The following PDGFRB variants were observed in gnomAD, a reference collection of about 807,000 sequenced individuals.
The protein encoded by PDGFRB is platelet derived growth factor receptor beta.
Under a neutral mutation model 120.2 loss-of-function variants are expected in PDGFRB, and 42 were observed. That is an observed-to-expected ratio of 0.35 (90% CI 0.27 to 0.45). The LOEUF is 0.45. PDGFRB is among the 20% of genes least tolerant of loss of function. The pLI is 1.00. For synonymous variants in PDGFRB, 586 were observed against 606.8 expected (o/e 0.97, Z 0.50); for missense variants, 1,149 against 1,476.3 (o/e 0.78, Z 3.63).
At chr5:150,147,150 A>G (rs1760945299) in intron 1 of PDGFRB, among the ~76,000 whole-genome samples, 1 of 152,168 alleles carries the variant, frequency 6.6e-6, no homozygotes, top group African/African-American at 2.4e-5. Flanking sequence ...CACAGGGTCC[A>G]GGCCTGCCCC....
rs574852515 is a variant in PDGFRB, at chr5:150,155,452, C to T, written c.-62G>A. 7.0e-4 allele frequency: 278 copies of T among 397,434 alleles called. No individual in the cohort carries two copies. Among genetic ancestry groups the T allele is most frequent in the African/African-American group, 5.3e-3 (260 of 48,694 alleles). The allele number at this position is 397,434 out of a possible 1,614,324, so 24.6% of individuals were successfully genotyped here. A position where few individuals can be genotyped will look rare whatever the true frequency, so the allele number is the denominator to read the frequency against. On this transcript the variant is annotated 5_prime_UTR_variant, in exon 1 of 23. Transcript: ENST00000261799. Reference sequence around the variant, plus strand: ...AGTTCCAGGCTCTGGACAGTCACCCCCTCCAGGAAGTCCTCCTTACTGCCC... The same window carrying T: ...AGTTCCAGGCTCTGGACAGTCACCCTCTCCAGGAAGTCCTCCTTACTGCCC...
At chr5:150,134,409 A>C (rs1454993047) in intron 4 of PDGFRB, among the ~76,000 whole-genome samples, 1 of 152,214 alleles carries the variant, frequency 6.6e-6, no homozygotes, top group Admixed American at 6.5e-5. Context: ...GAGGGGAAGC[A>C]GGCTCAGAGA....
At chr5:150,127,852 A>AAAC (rs1236262460) in intron 10 of PDGFRB, among the ~76,000 whole-genome samples, 1 of 150,498 alleles carries the variant, frequency 6.6e-6, no homozygotes, top group African/African-American at 2.4e-5. Context: ...AAAAAAAAAA[A>AAAC]AAAAAAACTT....
Position 150,121,914 on chromosome 5 carries a change from G to A in PDGFRB, c.2310C>T (p.Asn770=), listed in dbSNP as rs769886643. 1 of 1,613,604 alleles carries A rather than the reference G, an allele frequency of 6.2e-7. No homozygotes were observed. Among genetic ancestry groups the A allele is most frequent in the South Asian group, 1.1e-5 (1 of 91,068 alleles). Residue 770 remains asparagine, a synonymous_variant, in exon 16 of 23, where the codon AAC becomes AAT. Coordinates refer to ENST00000261799, the MANE Select transcript of PDGFRB (RefSeq NM_002609.4). This position sits in a 1 kb window ranked among gnomAD's most constrained non-coding sequence, Gnocchi z 4.1. The part of the protein sequence containing the change: ...DVKYADIESS[N]YMAPYDNYVP... Reference sequence around the variant, plus strand: ...CGTAGTTATCGTAAGGGGCCATGTAGTTGGAGGACTCGATGTCTGCATATT... The same window carrying A: ...CGTAGTTATCGTAAGGGGCCATGTAATTGGAGGACTCGATGTCTGCATATT...
chr5:150,144,421 G>A (rs955623992), intron 1 of PDGFRB, among the ~76,000 whole-genome samples: 5 of 152,160 alleles, frequency 3.3e-5, no homozygotes, highest in Admixed American at 6.5e-5. Context: ...CCTCACACTC[G>A]TCACTCACTG....
rs1561989789 is a variant in PDGFRB at position 150,121,047 on chromosome 5, C to T, written c.2464-37G>A. 1 of 1,610,502 alleles carries T rather than the reference C, an allele frequency of 6.2e-7. No individual in the cohort carries two copies. The highest frequency in any genetic ancestry group is 8.5e-7 in the Non-Finnish European group (1 of 1,176,932). On this transcript the variant is annotated intron_variant, in intron 17 of 22. Coordinates refer to ENST00000261799, the MANE Select transcript of PDGFRB (RefSeq NM_002609.4). The surrounding 1 kb of genome is among the most constrained non-coding windows in gnomAD (Gnocchi z 4.1). ...GAGAGGGGAGCTGAGGCCTTGGGGA[C>T]AATTGTGGGGAAAGACCCTTCATGT...
In PDGFRB at chr5:150,127,619, A is replaced by G. The variant is rs1197524880; in HGVS notation, c.1580-1005T>C. Among the ~76,000 whole-genome samples the G allele has an allele frequency of 2.6e-5, 4 of 152,222 alleles. No homozygotes were observed. In the East Asian group the frequency reaches 7.7e-4, roughly 29 times the overall value. ...GGGAGGCCAAGGTGGGCGGATCACG[A>G]GGTCAGGAGTTCAAGACCGGCCTGG... On this transcript the variant is annotated intron_variant, in intron 10 of 22. Coordinates refer to ENST00000261799, the MANE Select transcript of PDGFRB (RefSeq NM_002609.4).
chr5:150,126,708 CT>C, intron 10 of PDGFRB, 94 bp from the exon 11 acceptor site: 3 of 749,004 alleles, frequency 4.0e-6, no homozygotes, highest in Non-Finnish European at 7.3e-6. Context: ...CGTACACATC[CT>C]GTCCAGAATA....
At position 150,118,801 on chromosome 5, in the gene PDGFRB, G is replaced by C; in HGVS notation, c.2850C>G (p.Pro950=). ...CWEEKFEIRP[P]FSQLVLLLER... ...CGAGAAGCAGCACCAGCTGGGAGAA[G>C]GGGGGCCGAATCTCAAACTTCTCTT... Residue 950 remains proline, a synonymous_variant, in exon 21 of 23, where the codon CCC becomes CCG. Coordinates refer to ENST00000261799, the MANE Select transcript of PDGFRB (RefSeq NM_002609.4). 1 of 1,612,952 alleles carries C rather than the reference G, an allele frequency of 6.2e-7. No individual in the cohort carries two copies. Among genetic ancestry groups the C allele is most frequent in the South Asian group, 1.1e-5 (1 of 91,004 alleles).
chr5:150,155,500 G>C lies in PDGFRB; in HGVS notation c.-110C>G, dbSNP rs1273496275. On this transcript the variant is annotated 5_prime_UTR_variant, in exon 1 of 23. Transcript: ENST00000261799. ...CCCTCTCCCAGTTATCAGAAAGACT[G>C]CTGGTCCCAGAGTGGGTAACAGCTG... 5 of 398,274 alleles carry C rather than the reference G, an allele frequency of 1.3e-5. No homozygotes were observed. The highest frequency in any genetic ancestry group is 1.8e-5 in the Non-Finnish European group (4 of 226,048). The allele number at this position is 398,274 out of a possible 1,614,324, so 24.7% of individuals were successfully genotyped here.
rs2113914797 is a variant in PDGFRB at position 150,137,027 on chromosome 5, C to T, written c.21G>A (p.Met7Ile). ...ACCCACCTTTGAGGGCCAGAGCTGG[C>T]ATCGCACCCGGAAGCCGCATGGTGT... The part of the protein sequence containing the change: MRLPGA[M>I]PALALKGELL... The change falls in exon 2 of 23, where the codon ATG (methionine) becomes ATA (isoleucine). Residue 7 changes from methionine to isoleucine, a missense_variant. Physicochemically the swap from Met to Ile is conservative, Grantham distance 10 (BLOSUM62 1). Coordinates refer to ENST00000261799, the MANE Select transcript of PDGFRB (RefSeq NM_002609.4). 6.2e-7 allele frequency: 1 copy of T among 1,613,734 alleles called. No individual in the cohort carries two copies. The highest frequency in any genetic ancestry group is 8.5e-7 in the Non-Finnish European group (1 of 1,179,730).
chr5:150,141,332 C>G (rs1426590041), intron 1 of PDGFRB, among the ~76,000 whole-genome samples: 1 of 152,244 alleles, frequency 6.6e-6, no homozygotes, highest in Admixed American at 6.5e-5. Context: ...CATGAACAGA[C>G]AAGCCAGAAA....
intron 9 of PDGFRB, 109 bp downstream of exon 9, chr5:150,130,430 T>A: frequency 9.1e-7 from 1 of 1,100,386 alleles, no homozygotes; most frequent in Non-Finnish European, 1.3e-6. Flanking sequence ...AGGATGCAAC[T>A]CTATGCCCGG....
chr5:150,150,404 C>T (rs1761042304), intron 1 of PDGFRB, among the ~76,000 whole-genome samples: 1 of 152,202 alleles, frequency 6.6e-6, no homozygotes, highest in African/African-American at 2.4e-5. Context: ...ACCCCCTGAC[C>T]CTCCCAAGGG....
In PDGFRB at chr5:150,120,444, T is replaced by C. The variant is rs886581992; in HGVS notation, c.2587-321A>G. On this transcript the variant is annotated intron_variant, in intron 18 of 22. Coordinates refer to ENST00000261799, the MANE Select transcript of PDGFRB (RefSeq NM_002609.4). This position sits in a 1 kb window ranked among gnomAD's most constrained non-coding sequence, Gnocchi z 4.3. ...CCCAAGCTCTTATCCTGGCTGCCTTTGATCTCTGGGCCTAGCGTCCCTCCA... is the reference window on the plus strand; with the variant it reads ...CCCAAGCTCTTATCCTGGCTGCCTTCGATCTCTGGGCCTAGCGTCCCTCCA... Among the ~76,000 whole-genome samples, 8 of 152,218 alleles carry C rather than the reference T, an allele frequency of 5.3e-5. No individual in the cohort carries two copies.
At chr5:150,141,344 C>A (rs1419137168) in intron 1 of PDGFRB, among the ~76,000 whole-genome samples, 2 of 152,234 alleles carry the variant, frequency 1.3e-5, no homozygotes, top group Non-Finnish European at 2.9e-5. Context: ...AGCCAGAAAG[C>A]CCGTGTTACT....
At chr5:150,145,395 TG>T (rs1309300720) in intron 1 of PDGFRB, among the ~76,000 whole-genome samples, 3 of 152,242 alleles carry the variant, frequency 2.0e-5, no homozygotes, top group Non-Finnish European at 4.4e-5. Flanking sequence ...TTGCAGTTGG[TG>T]GCTGTCCCCA....
At position 150,155,825 on chromosome 5, in the gene PDGFRB, G is replaced by A. The variant is rs941708217; in HGVS notation, c.-435C>T. The A allele has an allele frequency of 5.8e-5, 23 of 397,014 alleles. No homozygotes were observed. The highest frequency in any genetic ancestry group is 1.4e-4 in the South Asian group (1 of 7,136). The allele number at this position is 397,014 out of a possible 1,614,324, so 24.6% of individuals were successfully genotyped here. ...AGCGATCCTGGGTCCCAGATAGGGC[G>A]GGCAGTCACTGCTGGCTGCTGGCAG... On this transcript the variant is annotated 5_prime_UTR_variant, in exon 1 of 23. Transcript: ENST00000261799.
At position 150,124,246 on chromosome 5, in the gene PDGFRB, G is replaced by C. The variant is rs1214561660; in HGVS notation, c.2023+4C>G. The C allele has an allele frequency of 3.7e-6, 6 of 1,606,454 alleles. No homozygotes were observed. Among genetic ancestry groups the C allele is most frequent in the Non-Finnish European group, 5.1e-6 (6 of 1,173,222 alleles). ...TGAGGCCTCTGGGGCAGTGGGCTCG[G>C]TACCTCCTTTGGTGCAGGCCCCCAA... is the stretch of plus-strand genomic sequence containing the variant. On this transcript the variant is annotated splice_donor_region_variant and intron_variant, in intron 14 of 22. Coordinates refer to ENST00000261799, the MANE Select transcript of PDGFRB (RefSeq NM_002609.4).
Sources: allele counts gnomAD v4.1 joint callset (sites outside exome capture counted in the v4.1 genomes callset), GRCh38; gene constraint gnomAD v4.1.1; non-coding constraint Gnocchi (gnomAD v3.1); transcripts MANE v1.5; gene names NCBI Gene and HGNC (gene_info 2026-07-23, HGNC 2026-07-21).